The following RGP1 variants were observed in gnomAD, a reference collection of about 807,000 sequenced individuals.
RGP1 encodes RAB6A-GEF complex partner protein 2.
RGP1 carries 28 observed loss-of-function variants against 44.5 expected under a neutral mutation model. The ratio of observed to expected loss-of-function variants is 0.63; its 90% CI spans 0.47 to 0.86. The LOEUF is 0.86. Ranked by LOEUF, RGP1 falls within the 40% of genes least tolerant of loss-of-function variation. The probability of loss-of-function intolerance (pLI) is 0.00; values close to 1 mark genes in which losing one functional copy is unlikely to be tolerated. For synonymous variants in RGP1, 212 were observed against 196.7 expected, an observed-to-expected ratio of 1.08 and a Z score of -0.65; for missense variants, 417 against 490.7, an observed-to-expected ratio of 0.85 and a Z score of 1.42.
In RGP1 at chr9:35,758,251, C is replaced by T. The variant is rs1236216727; in HGVS notation, c.*5377C>T. Reference sequence around the variant, plus strand: ...TGGACTACAGTATACAGACAAACAACTCACAATTTTAGCATATGAGGCTAC... The same window carrying T: ...TGGACTACAGTATACAGACAAACAATTCACAATTTTAGCATATGAGGCTAC... On this transcript the variant is annotated 3_prime_UTR_variant, in exon 9 of 9. Coordinates refer to ENST00000378078, the MANE Select transcript of RGP1 (RefSeq NM_001080496.3). 9 of 152,194 alleles carry T rather than the reference C, an allele frequency of 5.9e-5. No homozygotes were observed. The East Asian group carries it at 1.7e-3, about 29-fold the overall frequency. 9.4% of individuals were successfully genotyped at this position (152,194 alleles called of 1,614,324 possible).
At position 35,752,847 on chromosome 9, in the gene RGP1, C is replaced by T; in HGVS notation, c.1149C>T (p.Gly383=). Reference sequence around the variant, plus strand: ...CCCTGGCCTCATATGCTGCCCCAGGCCCCAGCACCAGCACCATAACCATCT... The same window carrying T: ...CCCTGGCCTCATATGCTGCCCCAGGTCCCAGCACCAGCACCATAACCATCT... The part of the protein sequence containing the change: ...SPTLASYAAP[G]PSTSTITI The change falls in exon 9 of 9, where the codon GGC becomes GGT. Residue 383 remains glycine (G), a synonymous_variant. Transcript: ENST00000378078. 1 of 1,613,788 alleles carries T rather than the reference C, an allele frequency of 6.2e-7. No homozygotes were observed. The highest frequency in any genetic ancestry group is 2.2e-5 in the East Asian group (1 of 44,870).
the RGP1 span, among the ~76,000 whole-genome samples, chr9:35,781,164 G>C: frequency 6.6e-6 from 1 of 151,976 alleles, no homozygotes; most frequent in East Asian, 1.9e-4. Flanking sequence ...ATTTCAGGCT[G>C]ACAGAAAACC....
chr9:35,754,372 C>T lies in RGP1; in HGVS notation c.*1498C>T. The T allele has an allele frequency of 2.5e-6, 1 of 400,004 alleles. No homozygotes were observed. The highest frequency in any genetic ancestry group is 4.4e-6 in the Non-Finnish European group (1 of 225,696). The allele number at this position is 400,004 out of a possible 1,614,324, so 24.8% of individuals were successfully genotyped here. On this transcript the variant is annotated 3_prime_UTR_variant, in exon 9 of 9. Coordinates refer to ENST00000378078, the MANE Select transcript of RGP1 (RefSeq NM_001080496.3). The stretch of plus-strand genomic sequence containing the variant: ...GTAACTCTGTTTCCTGAGGTGAGGG[C>T]ATGAAAACAAGAGGTCTAGCTTTAA...
Position 35,758,480 on chromosome 9 carries a change from T to G in RGP1, c.*5606T>G, listed in dbSNP as rs1004126201. 2.0e-5 allele frequency: 3 copies of G among 152,244 alleles called. No homozygotes were observed. Among genetic ancestry groups the G allele is most frequent in the Non-Finnish European group, 4.4e-5 (3 of 68,044 alleles). The allele number at this position is 152,244 out of a possible 1,614,324, so 9.4% of individuals were successfully genotyped here. On this transcript the variant is annotated 3_prime_UTR_variant, in exon 9 of 9. Transcript: ENST00000378078. The stretch of plus-strand genomic sequence containing the variant: ...CTGCCATGATCCTTATGATCTGTGT[T>G]ATGTTGGGCCAAAGGTGATTACTTT...
chr9:35,765,362 A>G, the RGP1 span, among the ~76,000 whole-genome samples: 1 of 152,124 alleles, frequency 6.6e-6, no homozygotes, highest in African/African-American at 2.4e-5. Context: ...TACTTGATAA[A>G]TAAAAGACTG....
the RGP1 span, among the ~76,000 whole-genome samples, chr9:35,781,983 GTTT>G: frequency 3.3e-5 from 3 of 90,650 alleles, no homozygotes; most frequent in East Asian, 3.4e-4. Context: ...TATTTCTCTC[GTTT>G]TTTTTTTTTT....
Position 35,752,854 on chromosome 9 carries a change from A to G in RGP1, c.1156A>G (p.Thr386Ala). The change falls in exon 9 of 9, where the codon ACC (threonine) becomes GCC (alanine). Residue 386 changes from threonine (T) to alanine (A), a missense_variant. Transcript: ENST00000378078. ...LASYAAPGPSTSTITI is the reference protein window; with the variant it reads ...LASYAAPGPSASTITI ...CTCATATGCTGCCCCAGGCCCCAGC[A>G]CCAGCACCATAACCATCTGAAACTG... 6.2e-7 allele frequency: 1 copy of G among 1,613,716 alleles called. No individual in the cohort carries two copies. Among genetic ancestry groups the G allele is most frequent in the Non-Finnish European group, 8.5e-7 (1 of 1,179,800 alleles).
At chr9:35,789,120 C>T in the RGP1 span, among the ~76,000 whole-genome samples, 2 of 134,262 alleles carry the variant, frequency 1.5e-5, no homozygotes, top group South Asian at 2.2e-4. Context: ...CAGATTCAAG[C>T]GGTTTTCCTG....
In RGP1 at chr9:35,753,841, G is replaced by A; in HGVS notation, c.*967G>A. 6.5e-7 allele frequency: 1 copy of A among 1,532,698 alleles called. No individual in the cohort carries two copies. The highest frequency in any genetic ancestry group is 9.0e-7 in the Non-Finnish European group (1 of 1,111,674). 94.9% of individuals were successfully genotyped at this position (1,532,698 alleles called of 1,614,324 possible). On this transcript the variant is annotated 3_prime_UTR_variant, in exon 9 of 9. Coordinates refer to ENST00000378078, the MANE Select transcript of RGP1 (RefSeq NM_001080496.3). The surrounding 1 kb of genome is among the most constrained non-coding windows in gnomAD (Gnocchi z 4.2). ...GGCAGAGGCTCTTCTGGTCTGGGGT[G>A]GAGACAGTAAGTACGCACTATCCCC...
Position 35,753,373 on chromosome 9 carries a change from C to CGG in RGP1, c.*499_*500insGG. The CGG allele has an allele frequency of 7.0e-7, 1 of 1,423,154 alleles. No homozygotes were observed. The allele number at this position is 1,423,154 out of a possible 1,614,324, so 88.2% of individuals were successfully genotyped here. A position where few individuals can be genotyped will look rare whatever the true frequency, so the allele number is the denominator to read the frequency against. ...TCCCTCTCTCACAGTTTTCCCCCCA[C>CGG]AGAGCCCCTTTCAGTGGCCCCTTGG... On this transcript the variant is annotated 3_prime_UTR_variant, in exon 9 of 9. Coordinates refer to ENST00000378078, the MANE Select transcript of RGP1 (RefSeq NM_001080496.3). The surrounding 1 kb of genome is among the most constrained non-coding windows in gnomAD (Gnocchi z 4.2).
At chr9:35,763,983 G>T in the RGP1 span, among the ~76,000 whole-genome samples, 7,925 of 151,390 alleles carry the variant, frequency 0.052, 242 homozygotes, top group African/African-American at 0.072. Flanking sequence ...AGAGAGGAGG[G>T]GAGGAAGAGG....
At position 35,749,394 on chromosome 9, in the gene RGP1, T is replaced by C. The variant is rs1490860505; in HGVS notation, c.-34T>C. On this transcript the variant is annotated 5_prime_UTR_variant, in exon 1 of 9. Coordinates refer to ENST00000378078, the MANE Select transcript of RGP1 (RefSeq NM_001080496.3). This position sits in a 1 kb window ranked among gnomAD's most constrained non-coding sequence, Gnocchi z 4.4. ...GAGGCCTAGGGGTGCCGATCCCTAG[T>C]GTCGACTATGCGAGGTGACTAGCGG... 7.2e-6 allele frequency: 4 copies of C among 551,892 alleles called. No individual in the cohort carries two copies. The highest frequency in any genetic ancestry group is 1.5e-5 in the Non-Finnish European group (4 of 271,594). The allele number at this position is 551,892 out of a possible 1,614,324, so 34.2% of individuals were successfully genotyped here.
chr9:35,751,032 G>C, intron 5 of RGP1, 43 bp downstream of exon 5: 1 of 1,606,272 alleles, frequency 6.2e-7, no homozygotes, highest in African/African-American at 1.3e-5. Flanking sequence ...GAAGGGCGAT[G>C]CCAAAGCAGA....
At chr9:35,752,575 CACTA>C (rs1249299531) in intron 8 of RGP1, 72 bp from the exon 9 acceptor site, 1 of 1,214,808 alleles carries the variant, frequency 8.2e-7, no homozygotes, top group East Asian at 2.5e-5. Flanking sequence ...TCTTCTCATT[CACTA>C]ACTATATCCT....
chr9:35,752,839 G>T lies in RGP1; in HGVS notation c.1141G>T (p.Ala381Ser). 6.2e-7 allele frequency: 1 copy of T among 1,613,716 alleles called. No individual in the cohort carries two copies. The part of the protein sequence containing the change: ...PTSPTLASYA[A>S]PGPSTSTITI The stretch of plus-strand genomic sequence containing the variant: ...TAGCCCCACCCTGGCCTCATATGCT[G>T]CCCCAGGCCCCAGCACCAGCACCAT... The change falls in exon 9 of 9, where the codon GCC becomes TCC. Residue 381 changes from alanine to serine, a missense_variant. Transcript: ENST00000378078.
chr9:35,766,598 C>A, the RGP1 span, among the ~76,000 whole-genome samples: 1 of 152,100 alleles, frequency 6.6e-6, no homozygotes, highest in Non-Finnish European at 1.5e-5. Flanking sequence ...TCTCCTATAT[C>A]TAAAAGTTTT....
chr9:35,788,044 A>G, the RGP1 span, among the ~76,000 whole-genome samples: 1 of 152,244 alleles, frequency 6.6e-6, no homozygotes, highest in Non-Finnish European at 1.5e-5. Context: ...TAGGTTTGTT[A>G]TAAAACGTTT....
rs1588037366 is a variant in RGP1, at chr9:35,754,842, C to T, written c.*1968C>T. 6.6e-6 allele frequency: 1 copy of T among 152,204 alleles called. No individual in the cohort carries two copies. The highest frequency in any genetic ancestry group is 1.9e-4 in the East Asian group (1 of 5,186). The allele number at this position is 152,204 out of a possible 1,614,324, so 9.4% of individuals were successfully genotyped here. ...GGAGGGTCTCTTTTCCTCAGGCATT[C>T]CAGAGGTGAACTGTCCATTGCTTAT... is the stretch of plus-strand genomic sequence containing the variant. On this transcript the variant is annotated 3_prime_UTR_variant, in exon 9 of 9. Transcript: ENST00000378078.
At position 35,753,374 on chromosome 9, in the gene RGP1, A is replaced by T; in HGVS notation, c.*500A>T. 7.1e-7 allele frequency: 1 copy of T among 1,414,686 alleles called. No individual in the cohort carries two copies. The highest frequency in any genetic ancestry group is 9.6e-7 in the Non-Finnish European group (1 of 1,042,888). The allele number at this position is 1,414,686 out of a possible 1,614,324, so 87.6% of individuals were successfully genotyped here. On this transcript the variant is annotated 3_prime_UTR_variant, in exon 9 of 9. Coordinates refer to ENST00000378078, the MANE Select transcript of RGP1 (RefSeq NM_001080496.3). The surrounding 1 kb of genome is among the most constrained non-coding windows in gnomAD (Gnocchi z 4.2). ...CCCTCTCTCACAGTTTTCCCCCCAC[A>T]GAGCCCCTTTCAGTGGCCCCTTGGT...
Sources: allele counts gnomAD v4.1 joint callset (sites outside exome capture counted in the v4.1 genomes callset), GRCh38; gene constraint gnomAD v4.1.1; non-coding constraint Gnocchi (gnomAD v3.1); transcripts MANE v1.5; gene names NCBI Gene and HGNC (gene_info 2026-07-23, HGNC 2026-07-21).